CNTN5: variants seen among roughly 807,000 people sequenced by gnomAD.
CNTN5 encodes contactin-5.
Under a neutral mutation model 129.1 loss-of-function variants are expected in CNTN5, and 77 were observed. The ratio of observed to expected loss-of-function variants is 0.60; its 90% CI spans 0.50 to 0.72. The LOEUF is 0.72. CNTN5 is among the 30% of genes least tolerant of loss of function. CNTN5 has a pLI of 0.00. For synonymous variants in CNTN5, 509 were observed against 465.6 expected (o/e 1.09, Z -1.20); for missense variants, 1,478 against 1,328.8 (o/e 1.11, Z -1.75).
At chr11:99,672,177 A>T (rs918494686) in intron 3 of CNTN5, among the ~76,000 whole-genome samples, 5 of 152,166 alleles carry the variant, frequency 3.3e-5, no homozygotes, top group African/African-American at 1.2e-4. Context: ...ACTCTGCCCC[A>T]TCAAAACTGC....
At chr11:99,640,680 A>G (rs899642213) in intron 3 of CNTN5, among the ~76,000 whole-genome samples, 14 of 152,236 alleles carry the variant, frequency 9.2e-5, no homozygotes, top group Non-Finnish European at 2.9e-5. Context: ...AGTAATGCAC[A>G]TGCTGTCCAG....
At chr11:99,836,473 C>T (rs1947311221) in intron 4 of CNTN5, among the ~76,000 whole-genome samples, 2 of 152,052 alleles carry the variant, frequency 1.3e-5, no homozygotes, top group Admixed American at 1.3e-4. Flanking sequence ...GACATAAACT[C>T]ATCCTTTTTT....
intron 13 of CNTN5, among the ~76,000 whole-genome samples, chr11:100,098,021 A>G (rs1945071250): frequency 6.6e-6 from 1 of 152,010 alleles, no homozygotes; most frequent in Admixed American, 6.6e-5. Flanking sequence ...AATTACCAAG[A>G]TGAGCTAGGT....
At chr11:99,139,483 A>G (rs1416545040) in intron 1 of CNTN5, among the ~76,000 whole-genome samples, 1 of 152,214 alleles carries the variant, frequency 6.6e-6, no homozygotes, top group Non-Finnish European at 1.5e-5. Context: ...AGAGAAAATA[A>G]TACTTTCTAA....
At chr11:99,221,492 C>G (rs1350958018) in intron 1 of CNTN5, among the ~76,000 whole-genome samples, 1 of 151,764 alleles carries the variant, frequency 6.6e-6, no homozygotes, top group Non-Finnish European at 1.5e-5. Context: ...TTTTGGGTCT[C>G]CAGGGTGACA....
intron 1 of CNTN5, among the ~76,000 whole-genome samples, chr11:99,169,979 C>A (rs1565373629): frequency 6.6e-6 from 1 of 151,906 alleles, no homozygotes; most frequent in Admixed American, 6.6e-5. Flanking sequence ...AATTAATAGT[C>A]AATGGGAATT....
intron 7 of CNTN5, among the ~76,000 whole-genome samples, chr11:99,930,190 A>G (rs1950159159): frequency 6.6e-6 from 1 of 151,954 alleles, no homozygotes. Flanking sequence ...TTGCCAATCT[A>G]GCTCCCCCAG....
At chr11:99,699,083 A>G (rs1954402507) in intron 3 of CNTN5, among the ~76,000 whole-genome samples, 1 of 151,450 alleles carries the variant, frequency 6.6e-6, no homozygotes, top group Non-Finnish European at 1.5e-5. Context: ...AAGAGAAGGA[A>G]GATAACGTTC....
Position 99,916,129 on chromosome 11 carries a change from C to G in CNTN5, c.653C>G (p.Ser218Cys). Residue 218 changes from serine (S) to cysteine (C), a missense_variant, in exon 7 of 25, where the codon TCT becomes TGT. Transcript: ENST00000524871. ...GGCCAGGGTGTCGTTCTGATGTGCTCTCCTCCGCCACATTCACCAGGTACA... is the reference window on the plus strand; with the variant it reads ...GGCCAGGGTGTCGTTCTGATGTGCTGTCCTCCGCCACATTCACCAGGTACA... ...REGQGVVLMCSPPPHSPEIIY... is the reference protein window; with the variant it reads ...REGQGVVLMCCPPPHSPEIIY... 6.2e-7 allele frequency: 1 copy of G among 1,611,820 alleles called. No homozygotes were observed. Among genetic ancestry groups the G allele is most frequent in the Non-Finnish European group, 8.5e-7 (1 of 1,178,864 alleles).
chr11:99,582,445 C>T (rs563198340), intron 3 of CNTN5, among the ~76,000 whole-genome samples: 2 of 152,292 alleles, frequency 1.3e-5, no homozygotes, highest in Admixed American at 6.5e-5. Flanking sequence ...CCATTCTCCC[C>T]GTCACTTTCA....
At chr11:99,434,192 C>G (rs1473294143) in intron 2 of CNTN5, among the ~76,000 whole-genome samples, 1 of 152,014 alleles carries the variant, frequency 6.6e-6, no homozygotes, top group African/African-American at 2.4e-5. Flanking sequence ...TTATTTGGCA[C>G]CACAGCCTTA....
At position 99,325,945 on chromosome 11, in the gene CNTN5, T is replaced by C. The variant is rs557808264; in HGVS notation, c.-71+461T>C. On this transcript the variant is annotated intron_variant, in intron 2 of 24. Transcript: ENST00000524871. Reference sequence around the variant, plus strand: ...TTAAAGTTAAATAAGCAGGAAGTCATGGGTGGAGAGAGGTAGTGTCATCCC... The same window carrying C: ...TTAAAGTTAAATAAGCAGGAAGTCACGGGTGGAGAGAGGTAGTGTCATCCC... Among the ~76,000 whole-genome samples, 22 of 152,324 alleles carry C rather than the reference T, an allele frequency of 1.4e-4. 1 individual carries two copies. The South Asian group carries it at 4.6e-3, about 32-fold the overall frequency.
chr11:99,293,716 A>G (rs867934365), intron 1 of CNTN5, among the ~76,000 whole-genome samples: 2 of 152,198 alleles, frequency 1.3e-5, no homozygotes, highest in South Asian at 4.1e-4. Context: ...ACGGTTGTTC[A>G]TAATAGTCTC....
At chr11:99,577,578 A>T (rs897282604) in intron 3 of CNTN5, among the ~76,000 whole-genome samples, 7 of 152,170 alleles carry the variant, frequency 4.6e-5, no homozygotes, top group African/African-American at 1.7e-4. Context: ...TTAATTAAAA[A>T]TAATGTGTGA....
intron 3 of CNTN5, among the ~76,000 whole-genome samples, chr11:99,771,584 G>A (rs1182974752): frequency 1.3e-5 from 2 of 151,872 alleles, no homozygotes; most frequent in African/African-American, 4.8e-5. Flanking sequence ...ACTATATGTA[G>A]AATCTAAAAA....
intron 2 of CNTN5, among the ~76,000 whole-genome samples, chr11:99,518,058 A>G (rs1565252675): frequency 6.6e-6 from 1 of 152,120 alleles, no homozygotes; most frequent in Non-Finnish European, 1.5e-5. Flanking sequence ...CCAAACAGTT[A>G]TCAGTCATGG....
intron 2 of CNTN5, among the ~76,000 whole-genome samples, chr11:99,449,632 AT>A (rs1264973173): frequency 1.3e-5 from 2 of 152,138 alleles, no homozygotes; most frequent in Non-Finnish European, 2.9e-5. Flanking sequence ...CTGTTCCTAC[AT>A]GGACTCACTG....
At chr11:99,258,687 AT>A (rs1402573781) in intron 1 of CNTN5, among the ~76,000 whole-genome samples, 9 of 152,056 alleles carry the variant, frequency 5.9e-5, no homozygotes, top group Non-Finnish European at 5.9e-5. Context: ...AATATGTCAA[AT>A]TATACGTTGT....
At chr11:100,147,579 C>T (rs955236665) in intron 13 of CNTN5, among the ~76,000 whole-genome samples, 1 of 152,004 alleles carries the variant, frequency 6.6e-6, no homozygotes, top group Non-Finnish European at 1.5e-5. Flanking sequence ...CCACCATTTT[C>T]TCCAATTCAA....
Sources: gnomAD v4.1 joint callset for allele counts (sites outside exome capture counted in the v4.1 genomes callset) on GRCh38, gnomAD v4.1.1 for gene constraint, MANE v1.5 for transcripts, NCBI Gene and HGNC (gene_info 2026-07-23, HGNC 2026-07-21) for gene names.